Variants in SCHIP1 observed in about 807,000 individuals in gnomAD.
SCHIP1 encodes schwannomin-interacting protein 1.
SCHIP1 carries 8 observed loss-of-function variants against 29.7 expected under a neutral mutation model. The ratio of observed to expected loss-of-function variants is 0.27; its 90% CI spans 0.16 to 0.49. The LOEUF (loss-of-function observed/expected upper bound fraction) is 0.49, where lower values mean the gene tolerates loss of function less well. SCHIP1 is among the 20% of genes least tolerant of loss of function. The probability of loss-of-function intolerance (pLI) is 0.99; values close to 1 mark genes in which losing one functional copy is unlikely to be tolerated. For missense variants in SCHIP1, 193 were observed against 294.6 expected (o/e 0.66, Z 2.52); for synonymous variants, 76 against 94.9 (o/e 0.80, Z 1.16).
the SCHIP1 span, among the ~76,000 whole-genome samples, chr3:159,457,499 G>C: frequency 6.9e-4 from 105 of 152,180 alleles, 1 homozygote; most frequent in Non-Finnish European, 1.4e-3. Context: ...AGTTGGATTG[G>C]AGGAGCAAGA....
At chr3:159,458,892 G>GA in the SCHIP1 span, among the ~76,000 whole-genome samples, 9 of 152,262 alleles carry the variant, frequency 5.9e-5, no homozygotes, top group East Asian at 1.5e-3. Context: ...AAAGTACAGG[G>GA]ACTTTCCTGA....
chr3:159,491,861 G>A, the SCHIP1 span, among the ~76,000 whole-genome samples: 4 of 152,226 alleles, frequency 2.6e-5, no homozygotes, highest in Admixed American at 6.5e-5. Context: ...AGTAGGGGCA[G>A]ACTGACACCT....
chr3:159,697,318 C>T, the SCHIP1 span, among the ~76,000 whole-genome samples: 3 of 152,128 alleles, frequency 2.0e-5, no homozygotes, highest in African/African-American at 7.2e-5. Context: ...GGTGCCATTC[C>T]TGTAAAACTG....
the SCHIP1 span, among the ~76,000 whole-genome samples, chr3:159,409,706 T>C: frequency 6.6e-6 from 1 of 152,126 alleles, no homozygotes; most frequent in Admixed American, 6.5e-5. Flanking sequence ...ATGTCCATAT[T>C]TCCCAAAGCA....
the SCHIP1 span, among the ~76,000 whole-genome samples, chr3:159,423,488 G>T: frequency 2.0e-5 from 3 of 152,218 alleles, no homozygotes; most frequent in South Asian, 4.1e-4. Flanking sequence ...ACTGCAAGGC[G>T]GCAGCGAGGC....
the SCHIP1 span, among the ~76,000 whole-genome samples, chr3:159,777,527 TTTCTC>T: frequency 0.25 from 37,450 of 151,958 alleles, 4,814 homozygotes; most frequent in East Asian, 0.45. Context: ...AGCATTTACT[TTTCTC>T]TTTCATCTTC....
the SCHIP1 span, among the ~76,000 whole-genome samples, chr3:159,545,600 G>A: frequency 6.7e-6 from 1 of 149,226 alleles, no homozygotes; most frequent in Non-Finnish European, 1.5e-5. Context: ...GTGTGTGTGT[G>A]TGTGTATATA....
At chr3:159,627,444 C>T in the SCHIP1 span, among the ~76,000 whole-genome samples, 1 of 152,204 alleles carries the variant, frequency 6.6e-6, no homozygotes, top group Admixed American at 6.5e-5. Context: ...CAAATTACCT[C>T]ATTTAATCCT....
At chr3:159,384,312 G>C in the SCHIP1 span, among the ~76,000 whole-genome samples, 9 of 151,760 alleles carry the variant, frequency 5.9e-5, no homozygotes, top group East Asian at 1.7e-3. Context: ...AGAGTTTTTA[G>C]CATGAAGCGT....
At chr3:159,606,136 C>G in the SCHIP1 span, among the ~76,000 whole-genome samples, 1 of 152,166 alleles carries the variant, frequency 6.6e-6, no homozygotes, top group Non-Finnish European at 1.5e-5. Context: ...GGAATTGATT[C>G]ATAAGCATAG....
At chr3:159,800,969 T>G in the SCHIP1 span, among the ~76,000 whole-genome samples, 1 of 149,000 alleles carries the variant, frequency 6.7e-6, no homozygotes, top group South Asian at 2.1e-4. Context: ...TAAGTCTGTT[T>G]TTTTTTTTTT....
At chr3:159,287,790 A>G in the SCHIP1 span, among the ~76,000 whole-genome samples, 1 of 152,204 alleles carries the variant, frequency 6.6e-6, no homozygotes, top group African/African-American at 2.4e-5. Flanking sequence ...AAGTGAAGCT[A>G]AAAGGCAGCC....
chr3:159,629,185 A>C, the SCHIP1 span, among the ~76,000 whole-genome samples: 7 of 152,032 alleles, frequency 4.6e-5, no homozygotes, highest in Non-Finnish European at 8.8e-5. Context: ...TTATTCTCTT[A>C]AGAAGACATT....
the SCHIP1 span, among the ~76,000 whole-genome samples, chr3:159,483,222 G>A: frequency 6.6e-6 from 1 of 152,130 alleles, no homozygotes; most frequent in Admixed American, 6.6e-5. Context: ...TGCGGTCAAA[G>A]ATGCTGGTTT....
chr3:159,525,470 T>G, the SCHIP1 span, among the ~76,000 whole-genome samples: 41 of 152,356 alleles, frequency 2.7e-4, no homozygotes, highest in African/African-American at 9.4e-4. Flanking sequence ...CTGTTACCCT[T>G]GAGGTGCTGA....
At chr3:159,552,504 C>T in the SCHIP1 span, among the ~76,000 whole-genome samples, 4 of 152,086 alleles carry the variant, frequency 2.6e-5, no homozygotes, top group African/African-American at 9.7e-5. Context: ...ACATTACTTC[C>T]ATGTTCAACT....
the SCHIP1 span, among the ~76,000 whole-genome samples, chr3:159,785,551 C>A: frequency 1.3e-5 from 2 of 150,572 alleles, no homozygotes; most frequent in African/African-American, 4.9e-5. Flanking sequence ...AAATACAGAG[C>A]CATCCTCTCA....
chr3:159,675,605 G>A, the SCHIP1 span, among the ~76,000 whole-genome samples: 1 of 152,208 alleles, frequency 6.6e-6, no homozygotes, highest in African/African-American at 2.4e-5. Context: ...TGTTTAGAGA[G>A]AATTATGTGT....
At chr3:159,379,739 C>T in the SCHIP1 span, among the ~76,000 whole-genome samples, 5 of 151,996 alleles carry the variant, frequency 3.3e-5, no homozygotes, top group African/African-American at 1.2e-4. Context: ...ATCTCAACCA[C>T]ATGACAAAAA....
Sources: gnomAD v4.1 joint callset for allele counts (sites outside exome capture counted in the v4.1 genomes callset) on GRCh38, gnomAD v4.1.1 for gene constraint, MANE v1.5 for transcripts, NCBI Gene and HGNC (gene_info 2026-07-23, HGNC 2026-07-21) for gene names.